Variants in TET2 observed in about 807,000 individuals in gnomAD.
The protein encoded by TET2 is methylcytosine dioxygenase TET2.
In TET2, 299 loss-of-function variants were observed where a neutral mutation model predicts 142.9. That is an observed-to-expected ratio of 2.09 (90% CI 1.90 to 2.30). TET2 has a LOEUF of 2.30. Among genes scored for constraint, TET2 ranks in the 30% most tolerant of loss-of-function variants. The pLI, the probability that TET2 is intolerant of heterozygous loss-of-function variation, is 0.00. For missense variants in TET2, 2,418 were observed against 2,378.0 expected, an observed-to-expected ratio of 1.02 and a Z score of -0.35; for synonymous variants, 819 against 849.0, an observed-to-expected ratio of 0.96 and a Z score of 0.61.
intron 2 of TET2, among the ~76,000 whole-genome samples, chr4:105,191,557 T>A (rs762169117): frequency 6.6e-6 from 1 of 152,206 alleles, no homozygotes; most frequent in Non-Finnish European, 1.5e-5. Flanking sequence ...AGCTTCAGTT[T>A]CACTAAATCT....
At chr4:105,227,727 A>C (rs1015116578) in intron 2 of TET2, among the ~76,000 whole-genome samples, 9 of 152,142 alleles carry the variant, frequency 5.9e-5, no homozygotes, top group African/African-American at 2.2e-4. Context: ...AAAATCACAC[A>C]AATAATCTCC....
At chr4:105,185,528 C>G (rs910687661) in intron 1 of TET2, among the ~76,000 whole-genome samples, 2 of 152,178 alleles carry the variant, frequency 1.3e-5, no homozygotes, top group Non-Finnish European at 1.5e-5. Flanking sequence ...TGCCTGTAAT[C>G]CCAGCACTTT....
At chr4:105,150,995 A>T (rs1371193031) in intron 1 of TET2, among the ~76,000 whole-genome samples, 1 of 152,204 alleles carries the variant, frequency 6.6e-6, no homozygotes, top group Non-Finnish European at 1.5e-5. Flanking sequence ...TCTTTTTCTC[A>T]AAAGAATAGA....
rs895684357 is a variant in TET2, at chr4:105,279,552, C to T, written c.*3033C>T. ...GTTCACTTCTGAAGCTAGTGGTTAA[C>T]TTGTGTAGGAAACTTTTGCAGTTTG... On this transcript the variant is annotated 3_prime_UTR_variant, in exon 11 of 11. Transcript: ENST00000380013. 1 of 232,470 alleles carries T rather than the reference C, an allele frequency of 4.3e-6. No homozygotes were observed. The allele number at this position is 232,470 out of a possible 1,614,324, so 14.4% of individuals were successfully genotyped here. A position where few individuals can be genotyped will look rare whatever the true frequency, so the allele number is the denominator to read the frequency against.
chr4:105,237,322 AAT>A lies in TET2; in HGVS notation c.3383_3384del (p.Tyr1128Ter), dbSNP rs1560548404. ...TTATTGGATACACCTGTCAAGACTC[AAT>A]ATGATTTCCCATCTTGCAGATGTGT... On this transcript the variant is annotated frameshift_variant, in exon 3 of 11. Coordinates refer to ENST00000380013, the MANE Select transcript of TET2 (RefSeq NM_001127208.3). LOFTEE classifies it high-confidence loss of function. The A allele has an allele frequency of 1.2e-6, 2 of 1,614,166 alleles. No individual in the cohort carries two copies. The highest frequency in any genetic ancestry group is 1.7e-6 in the Non-Finnish European group (2 of 1,179,990).
rs551752751 is a variant in TET2, at chr4:105,156,367, T to G, written c.-193+9388T>G. Among the ~76,000 whole-genome samples, 6 of 152,282 alleles carry G rather than the reference T, an allele frequency of 3.9e-5. No individual in the cohort carries two copies. In the South Asian group the frequency reaches 6.2e-4, roughly 16 times the overall value. On this transcript the variant is annotated intron_variant, in intron 1 of 10. Transcript: ENST00000380013. ...GCATAGAAATGCAGGCAGTCTGACA[T>G]TTAGGTATGCCATACAGAGTATTGA...
At chr4:105,204,790 A>G (rs964172092) in intron 2 of TET2, among the ~76,000 whole-genome samples, 7 of 152,124 alleles carry the variant, frequency 4.6e-5, no homozygotes, top group Admixed American at 4.6e-4. Context: ...TATTCTCTGT[A>G]TCTGTAGGTA....
chr4:105,216,432 A>T (rs1430715674), intron 2 of TET2, among the ~76,000 whole-genome samples: 2 of 152,018 alleles, frequency 1.3e-5, no homozygotes, highest in Non-Finnish European at 2.9e-5. Context: ...TGCTTGTCTT[A>T]ACTGGTGGAC....
chr4:105,155,836 C>T (rs914668002), intron 1 of TET2, among the ~76,000 whole-genome samples: 6 of 152,140 alleles, frequency 3.9e-5, no homozygotes, highest in African/African-American at 1.4e-4. Context: ...CAATGAGTAA[C>T]TATAGAATTT....
chr4:105,241,768 A>G (rs1345372475), intron 4 of TET2: 1 of 1,253,068 alleles, frequency 8.0e-7, no homozygotes. Flanking sequence ...CCACCTGATA[A>G]TAAAGTGTCA....
chr4:105,163,846 A>AGT (rs1246970394), intron 1 of TET2, among the ~76,000 whole-genome samples: 302 of 115,954 alleles, frequency 2.6e-3, no homozygotes, highest in Non-Finnish European at 3.8e-3. Context: ...AGAGAGAGAG[A>AGT]GAGAGAGAGT....
intron 2 of TET2, among the ~76,000 whole-genome samples, chr4:105,224,684 G>GTCTC (rs34870510): frequency 0.14 from 14,797 of 107,932 alleles, 1,785 homozygotes; most frequent in Middle Eastern, 0.21. Context: ...ATATCAGCCA[G>GTCTC]TCTCTCTCTC....
chr4:105,162,804 G>A (rs925065477), intron 1 of TET2, among the ~76,000 whole-genome samples: 2 of 152,024 alleles, frequency 1.3e-5, no homozygotes, highest in Non-Finnish European at 2.9e-5. Flanking sequence ...CAAAATCACT[G>A]TTTGTATAGA....
rs985873495 is a variant in TET2, at chr4:105,240,375, G to A, written c.3410-964G>A. On this transcript the variant is annotated intron_variant, in intron 3 of 10. Coordinates refer to ENST00000380013, the MANE Select transcript of TET2 (RefSeq NM_001127208.3). ...TTCAGGATATGTAATAGGTCTGTAG[G>A]AATAGTGAAATATTTTTGCTGATGG... 4 of 1,070,524 alleles carry A rather than the reference G, an allele frequency of 3.7e-6. No homozygotes were observed. In the African/African-American group the frequency reaches 6.6e-5, roughly 18 times the overall value. The allele number at this position is 1,070,524 out of a possible 1,614,324, so 66.3% of individuals were successfully genotyped here.
intron 1 of TET2, among the ~76,000 whole-genome samples, chr4:105,155,131 T>C (rs973752753): frequency 6.6e-6 from 1 of 152,210 alleles, no homozygotes; most frequent in Non-Finnish European, 1.5e-5. Flanking sequence ...ATTAATGTCT[T>C]ATCTATGTGA....
chr4:105,275,351 C>T lies in TET2; in HGVS notation c.4841C>T (p.Pro1614Leu). 6.4e-7 allele frequency: 1 copy of T among 1,551,744 alleles called. No individual in the cohort carries two copies. Among genetic ancestry groups the T allele is most frequent in the Non-Finnish European group, 8.7e-7 (1 of 1,146,994 alleles). The change falls in exon 11 of 11, where the codon CCC becomes CTC. Residue 1614 changes from proline to leucine, a missense_variant. Pro to Leu is a moderately conservative substitution (Grantham distance 98). Transcript: ENST00000380013. ...AAGSYLNSSNPMNPYPGLLNQ... is the reference protein window; with the variant it reads ...AAGSYLNSSNLMNPYPGLLNQ... ...GGTTCATATTTGAATTCTTCTAATC[C>T]CATGAACCCTTACCCTGGGCTTTTG...
intron 2 of TET2, among the ~76,000 whole-genome samples, chr4:105,227,474 A>G (rs1173380689): frequency 6.6e-6 from 1 of 152,184 alleles, no homozygotes; most frequent in Non-Finnish European, 1.5e-5. Flanking sequence ...TCTTTTGCAT[A>G]CAGTGAATTA....
chr4:105,190,666 AT>A (rs1182253984), intron 2 of TET2, 161 bp downstream of exon 2: 1 of 551,370 alleles, frequency 1.8e-6, no homozygotes, highest in South Asian at 2.5e-5. Flanking sequence ...GATTGTTAAG[AT>A]TTGTGAATTT....
chr4:105,272,853 A>G lies in TET2; in HGVS notation c.4472A>G (p.Lys1491Arg), dbSNP rs1172036110. ...SLENSSNKNE[K>R]EKSAPSRTKQ... ...GAGAACAGCTCAAATAAAAATGAAAAGGAAAAGTCAGCCCCATCACGTACA... is the reference window on the plus strand; with the variant it reads ...GAGAACAGCTCAAATAAAAATGAAAGGGAAAAGTCAGCCCCATCACGTACA... The change falls in exon 10 of 11, where the codon AAG (lysine) becomes AGG (arginine). Residue 1491 changes from lysine to arginine, a missense_variant. By Grantham distance (26) the Lys-to-Arg change is conservative. Transcript: ENST00000380013. The G allele has an allele frequency of 3.9e-6, 6 of 1,551,096 alleles. No homozygotes were observed. The East Asian group carries it at 1.5e-4, about 38-fold the overall frequency.
Sources: gnomAD v4.1 joint callset for allele counts (sites outside exome capture counted in the v4.1 genomes callset) on GRCh38, gnomAD v4.1.1 for gene constraint, MANE v1.5 for transcripts, NCBI Gene and HGNC (gene_info 2026-07-23, HGNC 2026-07-21) for gene names.